Variants in ADAM10 observed in about 807,000 individuals in gnomAD.
ADAM10 encodes ADAM metallopeptidase domain 10.
In ADAM10, 17 loss-of-function variants were observed where a neutral mutation model predicts 90.1. The ratio of observed to expected loss-of-function variants is 0.19; its 90% confidence interval spans 0.13 to 0.28. The LOEUF (loss-of-function observed/expected upper bound fraction) is 0.28, where lower values mean the gene tolerates loss of function less well. ADAM10 is among the 10% of genes least tolerant of loss of function. ADAM10 has a pLI of 1.00. For missense variants in ADAM10, 610 were observed against 914.3 expected (o/e 0.67, Z 4.29); for synonymous variants, 310 against 298.6 (o/e 1.04, Z -0.40).
At chr15:58,705,329 CAGTA>C (rs1160839716) in intron 2 of ADAM10, among the ~76,000 whole-genome samples, 1 of 152,114 alleles carries the variant, frequency 6.6e-6, no homozygotes, top group Non-Finnish European at 1.5e-5. Flanking sequence ...TTTTATGAAT[CAGTA>C]AGTATTATGT....
intron 2 of ADAM10, among the ~76,000 whole-genome samples, chr15:58,708,117 C>G (rs1898362799): frequency 6.6e-6 from 1 of 151,932 alleles, no homozygotes; most frequent in African/African-American, 2.4e-5. Context: ...AAAACAATGA[C>G]AGGATTTAAG....
At chr15:58,733,403 T>C (rs1023877817) in intron 1 of ADAM10, among the ~76,000 whole-genome samples, 1 of 151,946 alleles carries the variant, frequency 6.6e-6, no homozygotes, top group African/African-American at 2.4e-5. Flanking sequence ...TTTCCAGAGG[T>C]CCCCCTTTTT....
At chr15:58,722,674 A>C (rs1480215226) in intron 1 of ADAM10, among the ~76,000 whole-genome samples, 1 of 150,148 alleles carries the variant, frequency 6.7e-6, no homozygotes, top group African/African-American at 2.4e-5. Flanking sequence ...CCATGAAGGG[A>C]GTATTTACAC....
intron 1 of ADAM10, among the ~76,000 whole-genome samples, chr15:58,744,207 A>T (rs1343244784): frequency 2.0e-4 from 30 of 151,872 alleles, no homozygotes; most frequent in African/African-American, 7.0e-4. Context: ...CCTCAATGCT[A>T]AACTCTACAA....
At chr15:58,687,370 A>C (rs1195595672) in intron 2 of ADAM10, among the ~76,000 whole-genome samples, 2 of 152,220 alleles carry the variant, frequency 1.3e-5, no homozygotes, top group Admixed American at 1.3e-4. Flanking sequence ...ATATATTTAA[A>C]AATGTTTAAA....
intron 14 of ADAM10, among the ~76,000 whole-genome samples, chr15:58,607,471 T>C (rs1895309947): frequency 6.6e-6 from 1 of 152,226 alleles, no homozygotes; most frequent in Non-Finnish European, 1.5e-5. Context: ...AGGTCTATAG[T>C]ATGGAGTAGT....
At position 58,610,397 on chromosome 15, in the gene ADAM10, A is replaced by C; in HGVS notation, c.1925T>G (p.Phe642Cys). The C allele has an allele frequency of 6.2e-7, 1 of 1,614,248 alleles. No individual in the cohort carries two copies. The highest frequency in any genetic ancestry group is 8.5e-7 in the Non-Finnish European group (1 of 1,180,056). ...AGCATCTACTAATCTGCACCGCATG[A>C]AAACATCACAGTAACCTCTAAAATC... ...CNDFRGYCDV[F>C]MRCRLVDADG... Residue 642 changes from phenylalanine (F) to cysteine (C), a missense_variant, in exon 14 of 16, where the codon TTC becomes TGC. Phe to Cys is a radical substitution (Grantham distance 205). This residue lies in a region of ADAM10 where 150 missense variants were observed against 268.5 expected (regional missense o/e 0.56). Transcript: ENST00000260408.
chr15:58,635,822 T>A (rs548269708), intron 8 of ADAM10, among the ~76,000 whole-genome samples: 1 of 152,132 alleles, frequency 6.6e-6, no homozygotes, highest in African/African-American at 2.4e-5. Context: ...GGCATATTTT[T>A]AAATCTCTGA....
chr15:58,723,565 C>G (rs192892061), intron 1 of ADAM10, among the ~76,000 whole-genome samples: 1 of 151,752 alleles, frequency 6.6e-6, no homozygotes, highest in Non-Finnish European at 1.5e-5. Context: ...ATTAGCCTGC[C>G]GTGGTGACTG....
At chr15:58,610,770 T>C (rs1365660567) in intron 13 of ADAM10, 1 of 633,380 alleles carries the variant, frequency 1.6e-6, no homozygotes, top group East Asian at 2.7e-5. Flanking sequence ...TTTATGTAAA[T>C]TACTGCTGTA....
At chr15:58,699,424 C>A (rs1384883762) in intron 2 of ADAM10, among the ~76,000 whole-genome samples, 1 of 152,064 alleles carries the variant, frequency 6.6e-6, no homozygotes, top group Admixed American at 6.6e-5. Context: ...AAGAAAACCA[C>A]CAAACCACAA....
chr15:58,658,833 A>G (rs1469476731), intron 5 of ADAM10, among the ~76,000 whole-genome samples: 1 of 152,186 alleles, frequency 6.6e-6, no homozygotes, highest in Non-Finnish European at 1.5e-5. Flanking sequence ...TATGTCCTTG[A>G]TAAGTCTGCT....
chr15:58,606,560 T>TTAA (rs2140993870), intron 14 of ADAM10, among the ~76,000 whole-genome samples: 1 of 152,364 alleles, frequency 6.6e-6, no homozygotes, highest in Admixed American at 6.5e-5. Flanking sequence ...GTTGTTAAAG[T>TTAA]TTCATTAAGT....
intron 5 of ADAM10, among the ~76,000 whole-genome samples, chr15:58,653,829 GC>G (rs1896746270): frequency 6.6e-6 from 1 of 152,120 alleles, no homozygotes; most frequent in Non-Finnish European, 1.5e-5. Context: ...CAACAGTGAA[GC>G]CACTGGGTCC....
chr15:58,638,813 T>C (rs1002266701), intron 8 of ADAM10, among the ~76,000 whole-genome samples: 1 of 151,898 alleles, frequency 6.6e-6, no homozygotes, highest in African/African-American at 2.4e-5. Context: ...AGATTCCAAA[T>C]AGGGGAGCAT....
intron 1 of ADAM10, among the ~76,000 whole-genome samples, 175 bp downstream of exon 1, chr15:58,749,303 GAA>G (rs1289495253): frequency 3.9e-5 from 6 of 152,152 alleles, no homozygotes; most frequent in African/African-American, 1.4e-4. Context: ...CCACCGAAGG[GAA>G]AGCGGTCGGG....
chr15:58,727,173 AAT>A (rs1295828897), intron 1 of ADAM10, among the ~76,000 whole-genome samples: 41 of 137,910 alleles, frequency 3.0e-4, no homozygotes, highest in Non-Finnish European at 5.8e-4. Flanking sequence ...ATGCCTGACT[AAT>A]CTTTTTTTTT....
intron 1 of ADAM10, among the ~76,000 whole-genome samples, chr15:58,721,808 G>A (rs997990049): frequency 2.6e-5 from 4 of 151,990 alleles, no homozygotes; most frequent in African/African-American, 7.2e-5. Flanking sequence ...GGGGTGAATC[G>A]CTTGAGGTCA....
intron 14 of ADAM10, among the ~76,000 whole-genome samples, chr15:58,608,252 A>G (rs1004427705): frequency 6.6e-6 from 1 of 152,164 alleles, no homozygotes; most frequent in Non-Finnish European, 1.5e-5. Context: ...AGAAGACAAA[A>G]CGCCACCAGG....
Sources: allele counts gnomAD v4.1 joint callset (sites outside exome capture counted in the v4.1 genomes callset), GRCh38; gene constraint gnomAD v4.1.1; regional missense constraint gnomAD v4.1.1; transcripts MANE v1.5; gene names NCBI Gene and HGNC (gene_info 2026-07-23, HGNC 2026-07-21).